Variants in CTNNBL1 observed in about 807,000 individuals in gnomAD.
The protein encoded by CTNNBL1 is catenin beta like 1.
CTNNBL1 carries 31 observed loss-of-function variants against 72.7 expected under a neutral mutation model. The ratio of observed to expected loss-of-function variants is 0.43; its 90% CI spans 0.32 to 0.58. The LOEUF (loss-of-function observed/expected upper bound fraction) is 0.58, where lower values mean the gene tolerates loss of function less well. Ranked by LOEUF, CTNNBL1 falls within the 20% of genes least tolerant of loss-of-function variation. The pLI is 0.08. For synonymous variants in CTNNBL1, 240 were observed against 267.3 expected (o/e 0.90, Z 1.00); for missense variants, 534 against 725.1 (o/e 0.74, Z 3.03).
intron 15 of CTNNBL1, among the ~76,000 whole-genome samples, chr20:37,864,188 A>ACCC (rs201902096): frequency 6.7e-5 from 10 of 149,272 alleles, no homozygotes; most frequent in African/African-American, 2.6e-4. Context: ...TTTTCATACC[A>ACCC]CGCCCCCCCC....
Position 37,731,450 on chromosome 20 carries a change from G to T in CTNNBL1, c.31-1429G>T, listed in dbSNP as rs188786890. ...GGGTTTCTCCATGTTGATCAGGCTG[G>T]TCTTGAACTCCTGACCTCAGGTGAT... On this transcript the variant is annotated intron_variant, in intron 1 of 15. Transcript: ENST00000361383. 1.6e-3 allele frequency among the ~76,000 whole-genome samples: 246 copies of T among 152,178 alleles called. 1 individual carries two copies. The highest frequency in any genetic ancestry group is 5.7e-3 in the African/African-American group (235 of 41,508).
intron 13 of CTNNBL1, among the ~76,000 whole-genome samples, chr20:37,850,981 G>A (rs1279823125): frequency 6.6e-6 from 1 of 152,196 alleles, no homozygotes; most frequent in East Asian, 1.9e-4. Context: ...GAGGGCTTGC[G>A]ACTTGACTGC....
chr20:37,856,419 G>A (rs1010992190), intron 13 of CTNNBL1, among the ~76,000 whole-genome samples: 9 of 151,822 alleles, frequency 5.9e-5, no homozygotes, highest in African/African-American at 2.2e-4. Context: ...ATATCTGCTC[G>A]GGGTTCTCAG....
intron 10 of CTNNBL1, among the ~76,000 whole-genome samples, chr20:37,794,845 A>G (rs2073758008): frequency 6.6e-6 from 1 of 151,946 alleles, no homozygotes; most frequent in African/African-American, 2.4e-5. Context: ...TAGCTTTCTA[A>G]GTTGATAGGG....
chr20:37,827,304 GT>G (rs1301231340), intron 11 of CTNNBL1, among the ~76,000 whole-genome samples: 1 of 152,166 alleles, frequency 6.6e-6, no homozygotes, highest in Admixed American at 6.5e-5. Context: ...GTGGTAATAT[GT>G]TTTCATGATC....
At chr20:37,818,571 T>C (rs4811156) in intron 11 of CTNNBL1, among the ~76,000 whole-genome samples, 151,539 of 152,312 alleles carry the variant, frequency 0.99, 75,387 homozygotes, top group East Asian at 1. Context: ...ACTTAATAGA[T>C]GTAAACAGGC....
At chr20:37,853,682 G>C (rs1274268717) in intron 13 of CTNNBL1, among the ~76,000 whole-genome samples, 1 of 152,192 alleles carries the variant, frequency 6.6e-6, no homozygotes, top group African/African-American at 2.4e-5. Flanking sequence ...GAGAATAAAG[G>C]TGATGCCGTC....
intron 11 of CTNNBL1, among the ~76,000 whole-genome samples, chr20:37,808,682 C>A (rs903557014): frequency 6.6e-6 from 1 of 152,100 alleles, no homozygotes; most frequent in South Asian, 2.1e-4. Flanking sequence ...CATGCATTCT[C>A]CTTGGGTGAT....
At chr20:37,716,777 A>G (rs546849504) in intron 1 of CTNNBL1, among the ~76,000 whole-genome samples, 2 of 152,326 alleles carry the variant, frequency 1.3e-5, no homozygotes, top group East Asian at 3.9e-4. Context: ...TTCAGACTCT[A>G]AAGTATTGCC....
chr20:37,721,306 A>G (rs2073038884), intron 1 of CTNNBL1, among the ~76,000 whole-genome samples: 1 of 152,218 alleles, frequency 6.6e-6, no homozygotes, highest in Non-Finnish European at 1.5e-5. Flanking sequence ...TACTTCTAAA[A>G]AGTGCACCCT....
intron 1 of CTNNBL1, among the ~76,000 whole-genome samples, chr20:37,704,581 C>T (rs963134346): frequency 3.3e-5 from 5 of 151,986 alleles, no homozygotes; most frequent in Admixed American, 6.6e-5. Context: ...TTTGGAGGTG[C>T]GCGCTTATAA....
At chr20:37,798,288 A>G (rs557959587) in intron 10 of CTNNBL1, among the ~76,000 whole-genome samples, 9 of 152,298 alleles carry the variant, frequency 5.9e-5, no homozygotes, top group East Asian at 5.8e-4. Flanking sequence ...GCTAATTAAA[A>G]CTACAACAGA....
At chr20:37,863,751 T>G (rs967912640) in intron 15 of CTNNBL1, among the ~76,000 whole-genome samples, 4 of 152,098 alleles carry the variant, frequency 2.6e-5, no homozygotes, top group African/African-American at 9.7e-5. Flanking sequence ...ACAGCGGACA[T>G]TCTCATTAGT....
intron 13 of CTNNBL1, among the ~76,000 whole-genome samples, chr20:37,850,196 G>GGGTT (rs397779800): frequency 1.5e-4 from 1 of 6,794 alleles, no homozygotes; most frequent in East Asian, 8.2e-3. Flanking sequence ...TGAGCAGTCT[G>GGGTT]TTTTTTTTTT....
chr20:37,768,135 G>A (rs1027067721), intron 7 of CTNNBL1, 91 bp downstream of exon 7: 4 of 1,050,238 alleles, frequency 3.8e-6, no homozygotes, highest in Non-Finnish European at 5.8e-6. Flanking sequence ...GTTATGCTGG[G>A]CCATATGATC....
At chr20:37,753,135 C>T (rs1349750365) in intron 4 of CTNNBL1, among the ~76,000 whole-genome samples, 1 of 152,106 alleles carries the variant, frequency 6.6e-6, no homozygotes, top group Non-Finnish European at 1.5e-5. Flanking sequence ...TATTGTATTA[C>T]TCAGGAGTTG....
At chr20:37,838,398 A>T (rs2072273261) in intron 11 of CTNNBL1, among the ~76,000 whole-genome samples, 1 of 152,182 alleles carries the variant, frequency 6.6e-6, no homozygotes, top group Non-Finnish European at 1.5e-5. Context: ...TAGTCAGAAG[A>T]GGTGGGATAC....
chr20:37,701,557 A>G (rs1272974767), intron 1 of CTNNBL1, among the ~76,000 whole-genome samples: 1 of 152,178 alleles, frequency 6.6e-6, no homozygotes, highest in Non-Finnish European at 1.5e-5. Flanking sequence ...GGATATATCG[A>G]TGGGGATGGA....
In CTNNBL1 at chr20:37,732,931, T is replaced by G. The variant is rs1174625656; in HGVS notation, c.83T>G (p.Met28Arg). The G allele has an allele frequency of 2.5e-6, 4 of 1,613,870 alleles. No individual in the cohort carries two copies. Among genetic ancestry groups the G allele is most frequent in the African/African-American group, 2.7e-5 (2 of 74,908 alleles). ...GATGATGAAGAGGAGGAGCAGAAGA[T>G]GCGTCGGAAACAAACTGGTACTCGA... Reference protein sequence around the residue: ...PRDDEEEEQKMRRKQTGTRER... With the variant: ...PRDDEEEEQKRRRKQTGTRER... Residue 28 changes from methionine to arginine, a missense_variant, in exon 2 of 16, where the codon ATG (methionine) becomes AGG (arginine). Coordinates refer to ENST00000361383, the MANE Select transcript of CTNNBL1 (RefSeq NM_030877.5).
Sources: gnomAD v4.1 joint callset for allele counts (sites outside exome capture counted in the v4.1 genomes callset) on GRCh38, gnomAD v4.1.1 for gene constraint, MANE v1.5 for transcripts, NCBI Gene and HGNC (gene_info 2026-07-23, HGNC 2026-07-21) for gene names.